TIMM21: variants seen among roughly 807,000 people sequenced by gnomAD.
TIMM21 encodes the protein translocase of inner mitochondrial membrane 21, also known as mitochondrial import inner membrane translocase subunit Tim21.
TIMM21 carries 30 observed loss-of-function variants against 27.7 expected under a neutral mutation model. The ratio of observed to expected loss-of-function variants is 1.08; its 90% confidence interval spans 0.81 to 1.47. TIMM21 has a LOEUF of 1.47. Ranked by LOEUF, TIMM21 falls within the 40% of genes most tolerant of loss-of-function variation. The probability of loss-of-function intolerance (pLI) is 0.00; values close to 1 mark genes in which losing one functional copy is unlikely to be tolerated. For synonymous variants in TIMM21, 121 were observed against 114.4 expected (o/e 1.06, Z -0.37); for missense variants, 292 against 302.9 (o/e 0.96, Z 0.27).
chr18:74,151,916 A>G (rs1184384012), intron 1 of TIMM21, among the ~76,000 whole-genome samples: 7 of 146,612 alleles, frequency 4.8e-5, no homozygotes. Context: ...CACCACCCTT[A>G]AGAAGCAGTG....
chr18:74,153,132 G>A (rs1415826408), intron 1 of TIMM21, among the ~76,000 whole-genome samples: 1 of 152,234 alleles, frequency 6.6e-6, no homozygotes, highest in Non-Finnish European at 1.5e-5. Context: ...CAAATAAATG[G>A]CATGAGGGTT....
intron 1 of TIMM21, among the ~76,000 whole-genome samples, chr18:74,151,007 T>A (rs1015725930): frequency 6.6e-6 from 1 of 152,216 alleles, no homozygotes; most frequent in Non-Finnish European, 1.5e-5. Context: ...TACATCCCCT[T>A]GATTTATACA....
At chr18:74,151,433 G>A (rs1008459548) in intron 1 of TIMM21, among the ~76,000 whole-genome samples, 2 of 152,084 alleles carry the variant, frequency 1.3e-5, no homozygotes, top group Non-Finnish European at 2.9e-5. Context: ...CTTTCTGTAG[G>A]TCAGACACTC....
chr18:74,151,937 TC>T lies in TIMM21; in HGVS notation c.301+2840del, dbSNP rs535525190. On this transcript the variant is annotated intron_variant, in intron 1 of 5. Coordinates refer to ENST00000169551, the MANE Select transcript of TIMM21 (RefSeq NM_014177.3). ...CCTTAAGAAGCAGTGGTGTCTATGT[TC>T]CCCCCCCCCCCGGGGGGACCTCCAG... Among the ~76,000 whole-genome samples, 920 of 93,948 alleles carry T rather than the reference TC, an allele frequency of 9.8e-3. 14 individuals carry two copies. The highest frequency in any genetic ancestry group is 0.012 in the Middle Eastern group (2 of 166). 61.6% of individuals were successfully genotyped at this position (93,948 alleles called of 152,430 possible). A position where few individuals can be genotyped will look rare whatever the true frequency, so the allele number is the denominator to read the frequency against.
At position 74,148,660 on chromosome 18, in the gene TIMM21, T is replaced by C. The variant is rs1599205472; in HGVS notation, c.-149T>C. On this transcript the variant is annotated 5_prime_UTR_variant, in exon 1 of 6. Transcript: ENST00000169551. The stretch of plus-strand genomic sequence containing the variant: ...TCCCTGGAGACTTTTCGTTTTCATT[T>C]ACGCTGCGGAAACTGACGTTTTTGC... 1 of 732,078 alleles carries C rather than the reference T, an allele frequency of 1.4e-6. No homozygotes were observed. The highest frequency in any genetic ancestry group is 2.4e-5 in the Admixed American group (1 of 41,294). 45.3% of individuals were successfully genotyped at this position (732,078 alleles called of 1,614,324 possible).
At chr18:74,150,543 G>T (rs1363723478) in intron 1 of TIMM21, among the ~76,000 whole-genome samples, 1 of 152,290 alleles carries the variant, frequency 6.6e-6, no homozygotes, top group South Asian at 2.1e-4. Context: ...TCCTGGGCAG[G>T]ATCATAAACA....
intron 1 of TIMM21, among the ~76,000 whole-genome samples, chr18:74,154,669 T>C (rs947243114): frequency 7.2e-5 from 11 of 152,230 alleles, no homozygotes; most frequent in Admixed American, 4.6e-4. Flanking sequence ...GTGCATTTTC[T>C]TCATTTTCTA....
chr18:74,151,261 A>C (rs938018874), intron 1 of TIMM21, among the ~76,000 whole-genome samples: 2 of 152,218 alleles, frequency 1.3e-5, no homozygotes, highest in East Asian at 3.8e-4. Flanking sequence ...TCAGGTCCAG[A>C]AACTGGGGCA....
intron 1 of TIMM21, among the ~76,000 whole-genome samples, chr18:74,151,616 C>T (rs1280291183): frequency 6.6e-6 from 1 of 152,144 alleles, no homozygotes; most frequent in Non-Finnish European, 1.5e-5. Flanking sequence ...TACACAGTGT[C>T]CTCCTGTCCC....
rs138943508 is a variant in TIMM21 at position 74,152,315 on chromosome 18, G to A, written c.302-2830G>A. On this transcript the variant is annotated intron_variant, in intron 1 of 5. Coordinates refer to ENST00000169551, the MANE Select transcript of TIMM21 (RefSeq NM_014177.3). This position sits in a 1 kb window ranked among gnomAD's most constrained non-coding sequence, Gnocchi z 4.1. ...ATGCCAAACTCCCTGAATCCCTTCC[G>A]CCCCAGACCTCACCCACGCATTTTC... 2.9e-4 allele frequency among the ~76,000 whole-genome samples: 44 copies of A among 152,100 alleles called. No homozygotes were observed. The highest frequency in any genetic ancestry group is 8.0e-4 in the African/African-American group (33 of 41,508).
chr18:74,148,971 A>G lies in TIMM21; in HGVS notation c.163A>G (p.Arg55Gly). The change falls in exon 1 of 6, where the codon AGA becomes GGA. Residue 55 changes from arginine (R) to glycine (G), a missense_variant. Physicochemically the swap from Arg to Gly is moderately radical, Grantham distance 125 (BLOSUM62 -2). Transcript: ENST00000169551. ...ATATCAAAAGAAAACGCTGCGACCT[A>G]GATGTATTCTTGGAGTCACCCAGAA... ...LQYQKKTLRPRCILGVTQKTI... is the reference protein window; with the variant it reads ...LQYQKKTLRPGCILGVTQKTI... The G allele has an allele frequency of 6.2e-7, 1 of 1,614,210 alleles. No homozygotes were observed. The highest frequency in any genetic ancestry group is 2.2e-5 in the East Asian group (1 of 44,886).
At position 74,159,474 on chromosome 18, in the gene TIMM21, C is replaced by T. The variant is rs1484430214; in HGVS notation, c.*994C>T. 6.6e-6 allele frequency: 1 copy of T among 151,850 alleles called. No homozygotes were observed. Among genetic ancestry groups the T allele is most frequent in the Non-Finnish European group, 1.5e-5 (1 of 67,970 alleles). The allele number at this position is 151,850 out of a possible 1,614,324, so 9.4% of individuals were successfully genotyped here. A position where few individuals can be genotyped will look rare whatever the true frequency, so the allele number is the denominator to read the frequency against. ...CCCCTCTGATGTGTTTGTTCCTTCT[C>T]CCCGAGAACTGTCTGTAGAGGAATT... On this transcript the variant is annotated 3_prime_UTR_variant, in exon 6 of 6. Coordinates refer to ENST00000169551, the MANE Select transcript of TIMM21 (RefSeq NM_014177.3).
intron 3 of TIMM21, 76 bp from the exon 4 acceptor site, chr18:74,157,938 A>G (rs1305914176): frequency 4.0e-6 from 6 of 1,515,154 alleles, no homozygotes; most frequent in South Asian, 3.5e-5. Context: ...TCCTAAAATC[A>G]TCTGGTTTGT....
intron 5 of TIMM21, 30 bp from the exon 6 acceptor site, chr18:74,158,346 T>C (rs1336315124): frequency 6.2e-7 from 1 of 1,606,786 alleles, no homozygotes; most frequent in Non-Finnish European, 8.5e-7. Context: ...GAAAGGAAAA[T>C]AATACCTGGA....
chr18:74,151,417 C>CT (rs151120375), intron 1 of TIMM21, among the ~76,000 whole-genome samples: 16,495 of 152,198 alleles, frequency 0.11, 1,151 homozygotes, highest in Non-Finnish European at 0.15. Flanking sequence ...GTCATCAACT[C>CT]TGTTGCTTTC....
intron 3 of TIMM21, 92 bp downstream of exon 3, chr18:74,155,495 A>C: frequency 5.9e-6 from 6 of 1,010,914 alleles, no homozygotes; most frequent in Non-Finnish European, 8.9e-6. Context: ...ACCAGTTCTC[A>C]CGCTAGTGAA....
intron 1 of TIMM21, among the ~76,000 whole-genome samples, chr18:74,151,196 G>C (rs1471892880): frequency 2.6e-5 from 4 of 152,154 alleles, no homozygotes; most frequent in Non-Finnish European, 5.9e-5. Context: ...AGGACGGGGG[G>C]AGTCAGTTAC....
chr18:74,155,358 C>A lies in TIMM21; in HGVS notation c.417C>A (p.Ser139Arg). 1 of 1,613,610 alleles carries A rather than the reference C, an allele frequency of 6.2e-7. No homozygotes were observed. Among genetic ancestry groups the A allele is most frequent in the Non-Finnish European group, 8.5e-7 (1 of 1,179,938 alleles). ...AACTTTTTTCTTCATCCAGTCCTAG[C>A]AAGATATATGGGAGAGCCTTAGAAA... is the stretch of plus-strand genomic sequence containing the variant. ...FKELFSSSSPSKIYGRALEKC... is the reference protein window; with the variant it reads ...FKELFSSSSPRKIYGRALEKC... The change falls in exon 3 of 6, where the codon AGC becomes AGA. Residue 139 changes from serine to arginine, a missense_variant. By Grantham distance (110) the Ser-to-Arg change is moderately radical. Coordinates refer to ENST00000169551, the MANE Select transcript of TIMM21 (RefSeq NM_014177.3).
rs577481476 is a variant in TIMM21 at position 74,155,794 on chromosome 18, C to T, written c.462+391C>T. On this transcript the variant is annotated intron_variant, in intron 3 of 5. Transcript: ENST00000169551. ...CACTCTGCCCAGGGTCTCAGTGCAT[C>T]ATCTTTATTCAGTCTCACAAAAACC... Among the ~76,000 whole-genome samples, 3 of 152,340 alleles carry T rather than the reference C, an allele frequency of 2.0e-5. No homozygotes were observed. The East Asian group carries it at 5.8e-4, about 29-fold the overall frequency.
Sources: gnomAD v4.1 joint callset for allele counts (sites outside exome capture counted in the v4.1 genomes callset) on GRCh38, gnomAD v4.1.1 for gene constraint, Gnocchi (gnomAD v3.1) non-coding constraint, MANE v1.5 for transcripts, NCBI Gene and HGNC (gene_info 2026-07-23, HGNC 2026-07-21) for gene names.